GAS7: variants seen among roughly 807,000 people sequenced by gnomAD.
GAS7 encodes growth arrest specific 7.
GAS7 carries 28 observed loss-of-function variants against 71.1 expected under a neutral mutation model. The ratio of observed to expected loss-of-function variants is 0.39; its 90% CI spans 0.29 to 0.54. The LOEUF (loss-of-function observed/expected upper bound fraction) is 0.54, where lower values mean the gene tolerates loss of function less well. Ranked by LOEUF, GAS7 falls within the 20% of genes least tolerant of loss-of-function variation. The pLI, the probability that GAS7 is intolerant of heterozygous loss-of-function variation, is 0.62. For missense variants in GAS7, 436 were observed against 627.8 expected (o/e 0.69, Z 3.27); for synonymous variants, 258 against 245.8 (o/e 1.05, Z -0.46).
intron 5 of GAS7, among the ~76,000 whole-genome samples, chr17:9,952,294 T>C (rs545370437): frequency 3.7e-4 from 57 of 152,306 alleles, no homozygotes; most frequent in African/African-American, 1.2e-3. Flanking sequence ...GGGGGAGACC[T>C]TGTGCCCACC....
intron 5 of GAS7, among the ~76,000 whole-genome samples, chr17:9,953,129 C>T (rs762189788): frequency 2.0e-5 from 3 of 151,394 alleles, no homozygotes; most frequent in Non-Finnish European, 2.9e-5. Context: ...ATAAAGGAAA[C>T]GTGGTACATA....
chr17:10,060,330 T>C (rs538177396), intron 1 of GAS7, among the ~76,000 whole-genome samples: 1 of 152,298 alleles, frequency 6.6e-6, no homozygotes, highest in South Asian at 2.1e-4. Context: ...TAAAATGAGC[T>C]GGGAGTGGGA....
chr17:10,106,365 C>T (rs1340378851), intron 1 of GAS7, among the ~76,000 whole-genome samples: 3 of 152,208 alleles, frequency 2.0e-5, no homozygotes, highest in Non-Finnish European at 4.4e-5. Context: ...GGCTCTTACT[C>T]AAGAAGTCTC....
chr17:10,005,148 T>TGCATGCATGTGTGCGCGCAC (rs2071442439), intron 2 of GAS7, among the ~76,000 whole-genome samples: 2 of 72,712 alleles, frequency 2.8e-5, no homozygotes, highest in Non-Finnish European at 8.3e-5. Flanking sequence ...CGCGCACGCA[T>TGCATGCATGTGTGCGCGCAC]GCATGCATGT....
chr17:9,953,116 T>C (rs764408480), intron 5 of GAS7, among the ~76,000 whole-genome samples: 30 of 151,444 alleles, frequency 2.0e-4, no homozygotes, highest in Non-Finnish European at 4.1e-4. Context: ...AACGATATAC[T>C]AGATAAAGGA....
intron 1 of GAS7, among the ~76,000 whole-genome samples, chr17:10,035,324 G>A (rs1174520338): frequency 6.6e-6 from 1 of 152,284 alleles, no homozygotes; most frequent in East Asian, 1.9e-4. Context: ...CGCACGGGCA[G>A]CATGAAGTTC....
At chr17:9,935,678 T>TCAGGCC (rs1176664304) in intron 8 of GAS7, among the ~76,000 whole-genome samples, 1 of 152,224 alleles carries the variant, frequency 6.6e-6, no homozygotes, top group African/African-American at 2.4e-5. Context: ...TGGCGCAGGC[T>TCAGGCC]CAGGCCGAGG....
intron 2 of GAS7, among the ~76,000 whole-genome samples, chr17:10,012,615 ATGT>A (rs1250173314): frequency 1.3e-5 from 2 of 152,202 alleles, no homozygotes; most frequent in African/African-American, 2.4e-5. Context: ...GGAGCAAAAA[ATGT>A]TGTGCTATAT....
At chr17:10,096,289 C>T (rs957867530) in intron 1 of GAS7, among the ~76,000 whole-genome samples, 5 of 152,198 alleles carry the variant, frequency 3.3e-5, no homozygotes, top group Non-Finnish European at 5.9e-5. Context: ...ATCAAATTCC[C>T]TACAGTCAAC....
In GAS7 at chr17:9,947,831, AAC is replaced by A. The variant is rs559899949; in HGVS notation, c.526-850_526-849del. On this transcript the variant is annotated intron_variant, in intron 5 of 13. Transcript: ENST00000432992. Reference sequence around the variant, plus strand: ...GATATATGGTTAGGTGAAGGTTAAAAACAAAAAAAAAAAAAAAGCAAGCAGAG... The same window carrying A: ...GATATATGGTTAGGTGAAGGTTAAAAAAAAAAAAAAAAAAAGCAAGCAGAG... Among the ~76,000 whole-genome samples the A allele has an allele frequency of 3.7e-3, 332 of 90,560 alleles. 1 individual carries two copies. Among genetic ancestry groups the A allele is most frequent in the Non-Finnish European group, 6.3e-3 (278 of 44,368 alleles). The allele number at this position is 90,560 out of a possible 152,430, so 59.4% of individuals were successfully genotyped here.
chr17:10,006,592 G>A (rs993379013), intron 2 of GAS7, among the ~76,000 whole-genome samples: 1 of 151,882 alleles, frequency 6.6e-6, no homozygotes, highest in Non-Finnish European at 1.5e-5. Flanking sequence ...GCCTCCCAAA[G>A]TGCTGGGATT....
chr17:9,918,915 G>A (rs951183622), intron 12 of GAS7, among the ~76,000 whole-genome samples: 1 of 152,118 alleles, frequency 6.6e-6, no homozygotes, highest in Non-Finnish European at 1.5e-5. Context: ...GTCCCTGGTG[G>A]AGGCCTCTAA....
At position 9,919,137 on chromosome 17, in the gene GAS7, G is replaced by C. The variant is rs1029673159; in HGVS notation, c.1218+489C>G. The stretch of plus-strand genomic sequence containing the variant: ...GCCCCTTTACAAGAAATACTCAAGA[G>C]CATCATCGGCCCTGCCGCCTGTTGT... On this transcript the variant is annotated intron_variant, in intron 12 of 13. Transcript: ENST00000432992. The surrounding 1 kb of genome is among the most constrained non-coding windows in gnomAD (Gnocchi z 5.0). 6.6e-6 allele frequency among the ~76,000 whole-genome samples: 1 copy of C among 151,858 alleles called. No individual in the cohort carries two copies. Among genetic ancestry groups the C allele is most frequent in the East Asian group, 1.9e-4 (1 of 5,154 alleles).
chr17:9,963,254 T>C (rs1238332900), intron 4 of GAS7, among the ~76,000 whole-genome samples: 1 of 152,150 alleles, frequency 6.6e-6, no homozygotes, highest in African/African-American at 2.4e-5. Flanking sequence ...ATACCATTTA[T>C]ATGAAATGTC....
In GAS7 at chr17:9,974,513, A is replaced by G. The variant is rs1195660978; in HGVS notation, c.386-4751T>C. ...GAACATAATTCAGTCTGGAGATACA[A>G]GGAAAAAAAAAAAGCAAATGTCACA... On this transcript the variant is annotated intron_variant, in intron 3 of 13. Transcript: ENST00000432992. This position sits in a 1 kb window ranked among gnomAD's most constrained non-coding sequence, Gnocchi z 4.0. Among the ~76,000 whole-genome samples the G allele has an allele frequency of 6.6e-6, 1 of 151,810 alleles. No individual in the cohort carries two copies. Among genetic ancestry groups the G allele is most frequent in the Admixed American group, 6.6e-5 (1 of 15,254 alleles).
chr17:9,933,697 T>C (rs1020281661), intron 9 of GAS7, among the ~76,000 whole-genome samples: 5 of 151,884 alleles, frequency 3.3e-5, no homozygotes, highest in African/African-American at 1.2e-4. Context: ...ATAAAAAAAT[T>C]ACCCAGGCAT....
chr17:10,051,246 A>G (rs941509436), intron 1 of GAS7, among the ~76,000 whole-genome samples: 1 of 152,212 alleles, frequency 6.6e-6, no homozygotes, highest in Non-Finnish European at 1.5e-5. Flanking sequence ...ATACTTTTCC[A>G]TCCCCTTGAG....
chr17:10,029,824 C>T (rs920638651), intron 1 of GAS7, among the ~76,000 whole-genome samples: 3 of 151,960 alleles, frequency 2.0e-5, no homozygotes, highest in Non-Finnish European at 4.4e-5. Flanking sequence ...TGCACTCCAG[C>T]CTGGGTGACA....
At chr17:10,099,322 C>A (rs761139551) in intron 1 of GAS7, among the ~76,000 whole-genome samples, 2 of 152,134 alleles carry the variant, frequency 1.3e-5, no homozygotes, top group Non-Finnish European at 2.9e-5. Context: ...TTCCACATGG[C>A]CCTGTGAGGC....
Sources: allele counts gnomAD v4.1 joint callset (sites outside exome capture counted in the v4.1 genomes callset), GRCh38; gene constraint gnomAD v4.1.1; non-coding constraint Gnocchi (gnomAD v3.1); transcripts MANE v1.5; gene names NCBI Gene and HGNC (gene_info 2026-07-23, HGNC 2026-07-21).